Variants in OTUD4 observed in about 807,000 individuals in gnomAD.
The protein encoded by OTUD4 is OTU domain-containing protein 4.
A neutral mutation model predicts 130.4 loss-of-function variants in OTUD4; 24 were observed. The observed-to-expected ratio is 0.18, with a 90% CI of 0.13 to 0.26. The LOEUF is 0.26. Among genes scored for constraint, OTUD4 ranks in the 10% least tolerant of loss-of-function variants. The pLI, the probability that OTUD4 is intolerant of heterozygous loss-of-function variation, is 1.00. For synonymous variants in OTUD4, 420 were observed against 472.5 expected (o/e 0.89, Z 1.44); for missense variants, 1,031 against 1,329.4 (o/e 0.78, Z 3.49).
At position 145,159,551 on chromosome 4, in the gene OTUD4, G is replaced by C. The variant is rs36225458; in HGVS notation, c.581C>G (p.Ala194Gly). 2,166 of 1,613,308 alleles carry C rather than the reference G, an allele frequency of 1.3e-3. 7 individuals are homozygous for C. The highest frequency in any genetic ancestry group is 2.6e-3 in the South Asian group (240 of 91,052). The change falls in exon 7 of 21, where the codon GCT becomes GGT. Residue 194 changes from alanine (A) to glycine (G), a missense_variant. Transcript: ENST00000447906. ...TGATATTTCACTGTTATCTTCATCA[G>C]CTACTTCCAACGTGTCTAGTTCCAT... ...IVMELDTLEVADEDNSEISDS... is the reference protein window; with the variant it reads ...IVMELDTLEVGDEDNSEISDS...
At chr4:145,145,706 T>C (rs978845726) in intron 14 of OTUD4, among the ~76,000 whole-genome samples, 6 of 152,142 alleles carry the variant, frequency 3.9e-5, no homozygotes, top group South Asian at 2.1e-4. Context: ...ACAGAGCACA[T>C]ACTTCATTCT....
In OTUD4 at chr4:145,179,952, G is replaced by C. The variant is rs1192924210; in HGVS notation, c.22C>G (p.Pro8Ala). 2 of 1,520,430 alleles carry C rather than the reference G, an allele frequency of 1.3e-6. No individual in the cohort carries two copies. Among genetic ancestry groups the C allele is most frequent in the Admixed American group, 4.0e-5 (2 of 49,488 alleles). The allele number at this position is 1,520,430 out of a possible 1,614,324, so 94.2% of individuals were successfully genotyped here. A position where few individuals can be genotyped will look rare whatever the true frequency, so the allele number is the denominator to read the frequency against. Residue 8 changes from proline to alanine, a missense_variant, in exon 1 of 21, where the codon CCC (proline) becomes GCC (alanine). Coordinates refer to ENST00000447906, the MANE Select transcript of OTUD4 (RefSeq NM_001366057.1). MEAAVGVPDGGDQGGAGP... is the reference protein window; with the variant it reads MEAAVGVADGGDQGGAGP... ...GCGCCGCCCTGGTCCCCGCCGTCGG[G>C]GACGCCGACGGCAGCCTCCATGTTG...
rs779363127 is a variant in OTUD4, at chr4:145,155,976, G to A, written c.650C>T (p.Ala217Val). Residue 217 changes from alanine to valine, a missense_variant, in exon 8 of 21, where the codon GCT (alanine) becomes GTT (valine). Coordinates refer to ENST00000447906, the MANE Select transcript of OTUD4 (RefSeq NM_001366057.1). ...AGGTTTAAATCCATTCACATCAGCA[G>A]CAGCAGCAGCAGTCTTACTCCTACA... ...DSCKSKTAAA[A>V]ADVNGFKPLS... 2.3e-5 allele frequency: 37 copies of A among 1,610,828 alleles called. 1 individual carries two copies. Among genetic ancestry groups the A allele is most frequent in the South Asian group, 2.1e-4 (19 of 90,374 alleles).
intron 10 of OTUD4, 67 bp downstream of exon 10, chr4:145,155,342 TTC>T (rs1228579951): frequency 1.6e-5 from 20 of 1,228,084 alleles, no homozygotes; most frequent in African/African-American, 3.0e-5. Flanking sequence ...CTCAGCTGTT[TTC>T]TCTGTTTGTA....
chr4:145,155,699 A>AG lies in OTUD4; in HGVS notation c.691-14dup, dbSNP rs1490739434. ...TGTTCTTCAGCTGCTAAACAAAGTCAGGAAGTCCAATCAACACATAAGTGC... is the reference window on the plus strand; with the variant it reads ...TGTTCTTCAGCTGCTAAACAAAGTCAGGGAAGTCCAATCAACACATAAGTGC... On this transcript the variant is annotated splice_polypyrimidine_tract_variant and intron_variant, in intron 8 of 20. Coordinates refer to ENST00000447906, the MANE Select transcript of OTUD4 (RefSeq NM_001366057.1). 1 of 1,523,096 alleles carries AG rather than the reference A, an allele frequency of 6.6e-7. No individual in the cohort carries two copies. The highest frequency in any genetic ancestry group is 9.0e-7 in the Non-Finnish European group (1 of 1,109,456). 94.3% of individuals were successfully genotyped at this position (1,523,096 alleles called of 1,614,324 possible).
chr4:145,142,097 A>G, intron 18 of OTUD4, 99 bp downstream of exon 18: 1 of 1,029,374 alleles, frequency 9.7e-7, no homozygotes, highest in Non-Finnish European at 1.5e-6. Context: ...GGCTCCACAC[A>G]CCTAATCCTG....
At chr4:145,156,580 G>C (rs563125041) in intron 7 of OTUD4, among the ~76,000 whole-genome samples, 3 of 152,080 alleles carry the variant, frequency 2.0e-5, no homozygotes, top group Non-Finnish European at 4.4e-5. Context: ...CTACTCGGGA[G>C]GCTGAGGCAG....
At chr4:145,166,859 T>C (rs1269650588) in intron 3 of OTUD4, among the ~76,000 whole-genome samples, 1 of 152,146 alleles carries the variant, frequency 6.6e-6, no homozygotes, top group Non-Finnish European at 1.5e-5. Context: ...AATTCATGTT[T>C]CAGCCACACT....
At chr4:145,151,021 A>G (rs1343740535) in intron 11 of OTUD4, 116 bp from the exon 12 acceptor site, 15 of 564,572 alleles carry the variant, frequency 2.7e-5, no homozygotes, top group Non-Finnish European at 3.5e-5. Flanking sequence ...CTTACATTAA[A>G]AACAAATTAC....
At chr4:145,166,550 T>C (rs1360152040) in intron 3 of OTUD4, among the ~76,000 whole-genome samples, 1 of 151,192 alleles carries the variant, frequency 6.6e-6, no homozygotes, top group Non-Finnish European at 1.5e-5. Context: ...GTAAAATAAT[T>C]CATGTTTCAG....
Position 145,135,086 on chromosome 4 carries a change from A to T in OTUD4, c.*2344T>A. On this transcript the variant is annotated 3_prime_UTR_variant, in exon 21 of 21. Coordinates refer to ENST00000447906, the MANE Select transcript of OTUD4 (RefSeq NM_001366057.1). ...CTAATACATTTAAAAACAAACTTAA[A>T]GGAAAAAAAGCGAAACCAACCTTCA... 1 of 368,768 alleles carries T rather than the reference A, an allele frequency of 2.7e-6. No homozygotes were observed. The highest frequency in any genetic ancestry group is 4.8e-6 in the Non-Finnish European group (1 of 208,598). The allele number at this position is 368,768 out of a possible 1,614,324, so 22.8% of individuals were successfully genotyped here. A position where few individuals can be genotyped will look rare whatever the true frequency, so the allele number is the denominator to read the frequency against.
At position 145,137,763 on chromosome 4, in the gene OTUD4, C is replaced by A; in HGVS notation, c.3012G>T (p.Val1004=). 1 of 1,613,930 alleles carries A rather than the reference C, an allele frequency of 6.2e-7. No individual in the cohort carries two copies. Among genetic ancestry groups the A allele is most frequent in the Non-Finnish European group, 8.5e-7 (1 of 1,179,874 alleles). The part of the protein sequence containing the change: ...KVKDPKTAAD[V]VSPGANSVDS... ...CAACAGAGTTGGCCCCAGGGCTGAC[C>A]ACATCAGCAGCAGTCTTAGGATCTT... The change falls in exon 21 of 21, where the codon GTG becomes GTT. Residue 1004 remains valine (V), a synonymous_variant. Transcript: ENST00000447906.
chr4:145,170,229 C>T lies in OTUD4; in HGVS notation c.294+1441G>A, dbSNP rs895849450. Among the ~76,000 whole-genome samples the T allele has an allele frequency of 3.3e-5, 5 of 152,224 alleles. 1 individual carries two copies. The highest frequency in any genetic ancestry group is 4.4e-5 in the Non-Finnish European group (3 of 68,046). ...TGATACAGATAACCTACAGATCACACTTTGAGAAACACGGGTCTAAAGCAT... is the reference window on the plus strand; with the variant it reads ...TGATACAGATAACCTACAGATCACATTTTGAGAAACACGGGTCTAAAGCAT... On this transcript the variant is annotated intron_variant, in intron 3 of 20. Coordinates refer to ENST00000447906, the MANE Select transcript of OTUD4 (RefSeq NM_001366057.1).
chr4:145,171,780 CT>C lies in OTUD4; in HGVS notation c.244-61del. On this transcript the variant is annotated intron_variant, in intron 2 of 20. Transcript: ENST00000447906. The stretch of plus-strand genomic sequence containing the variant: ...ACATATATGCCAAAACAGTTAACCG[CT>C]TCGCTGTGTAAACATTCACTGTGAA... 5.0e-6 allele frequency: 4 copies of C among 798,736 alleles called. No homozygotes were observed. In the Admixed American group the frequency reaches 7.7e-5, roughly 15 times the overall value. 49.5% of individuals were successfully genotyped at this position (798,736 alleles called of 1,614,324 possible). A position where few individuals can be genotyped will look rare whatever the true frequency, so the allele number is the denominator to read the frequency against.
chr4:145,148,631 A>C (rs936503990), intron 13 of OTUD4, among the ~76,000 whole-genome samples: 7 of 152,230 alleles, frequency 4.6e-5, no homozygotes, highest in South Asian at 2.1e-4. Flanking sequence ...TATAATAAAC[A>C]AGTTTATTTA....
chr4:145,158,308 C>G (rs573886303), intron 7 of OTUD4, among the ~76,000 whole-genome samples: 2 of 151,986 alleles, frequency 1.3e-5, no homozygotes, highest in African/African-American at 4.8e-5. Context: ...TGGTGAAACC[C>G]CATCTCTACT....
intron 6 of OTUD4, 84 bp downstream of exon 6, chr4:145,162,556 A>AAAAAACAAAAAAC: frequency 1.4e-6 from 1 of 738,218 alleles, no homozygotes; most frequent in Non-Finnish European, 2.2e-6. Flanking sequence ...CGTCTCAAAA[A>AAAAAACAAAAAAC]AAAACAAAAA....
At chr4:145,165,539 G>A (rs925723845) in intron 3 of OTUD4, among the ~76,000 whole-genome samples, 4 of 151,986 alleles carry the variant, frequency 2.6e-5, no homozygotes, top group African/African-American at 7.2e-5. Flanking sequence ...GTGCAGCGGC[G>A]TGATCTCGGC....
chr4:145,175,460 C>A (rs1007887724), intron 1 of OTUD4, among the ~76,000 whole-genome samples: 1 of 152,164 alleles, frequency 6.6e-6, no homozygotes, highest in Admixed American at 6.5e-5. Context: ...ACATTTTCTT[C>A]TATTAAACAA....
Sources: allele counts gnomAD v4.1 joint callset (sites outside exome capture counted in the v4.1 genomes callset), GRCh38; gene constraint gnomAD v4.1.1; transcripts MANE v1.5; gene names NCBI Gene and HGNC (gene_info 2026-07-23, HGNC 2026-07-21).